Variants in BCAS3 observed in about 807,000 individuals in gnomAD.
BCAS3 encodes BCAS4/BCAS3 fusion.
In BCAS3, 53 loss-of-function variants were observed where a neutral mutation model predicts 116.1. The observed-to-expected ratio is 0.46, with a 90% CI of 0.37 to 0.57. The LOEUF is 0.57. Ranked by LOEUF, BCAS3 falls within the 20% of genes least tolerant of loss-of-function variation. The pLI, the probability that BCAS3 is intolerant of heterozygous loss-of-function variation, is 0.00. For synonymous variants in BCAS3, 391 were observed against 408.2 expected, an observed-to-expected ratio of 0.96 and a Z score of 0.51; for missense variants, 917 against 1,165.4, an observed-to-expected ratio of 0.79 and a Z score of 3.10.
rs1175091418 is a variant in BCAS3, at chr17:61,251,438, C to G, written c.2426-116889C>G. Among the ~76,000 whole-genome samples the G allele has an allele frequency of 1.3e-5, 2 of 152,026 alleles. No homozygotes were observed. Among genetic ancestry groups the G allele is most frequent in the Non-Finnish European group, 2.9e-5 (2 of 68,000 alleles). ...ACAAAAAATTAGCCGGGCCTGGTGG[C>G]GGGCGCCTATAATCCCAACTACTAG... is the stretch of plus-strand genomic sequence containing the variant. On this transcript the variant is annotated intron_variant, in intron 22 of 23. Transcript: ENST00000407086. The surrounding 1 kb of genome is among the most constrained non-coding windows in gnomAD (Gnocchi z 4.7).
At chr17:61,129,240 T>C (rs965218360) in intron 22 of BCAS3, among the ~76,000 whole-genome samples, 1 of 152,258 alleles carries the variant, frequency 6.6e-6, no homozygotes, top group Non-Finnish European at 1.5e-5. Context: ...CTAAAAATTA[T>C]GAATTTCTTT....
At chr17:60,807,482 A>T (rs1235472300) in intron 6 of BCAS3, among the ~76,000 whole-genome samples, 1 of 151,986 alleles carries the variant, frequency 6.6e-6, no homozygotes, top group Non-Finnish European at 1.5e-5. Context: ...ATTGAAACTT[A>T]AAAAAAATGC....
chr17:61,132,471 C>A lies in BCAS3; in HGVS notation c.2425+47907C>A, dbSNP rs558780185. Among the ~76,000 whole-genome samples, 7 of 152,298 alleles carry A rather than the reference C, an allele frequency of 4.6e-5. No homozygotes were observed. The South Asian group carries it at 1.4e-3, about 32-fold the overall frequency. ...GCTATAATCTACTGCCCTGGTCAAA[C>A]TTAACCAAAATTCTGTTTTCTTTCA... On this transcript the variant is annotated intron_variant, in intron 22 of 23. Coordinates refer to ENST00000407086, the MANE Select transcript of BCAS3 (RefSeq NM_017679.5). The surrounding 1 kb of genome is among the most constrained non-coding windows in gnomAD (Gnocchi z 5.1).
chr17:61,172,740 C>T (rs1156508354), intron 22 of BCAS3, among the ~76,000 whole-genome samples: 2 of 151,734 alleles, frequency 1.3e-5, no homozygotes, highest in African/African-American at 2.4e-5. Context: ...AATCCCAGCA[C>T]TTTGGGAGGC....
At chr17:61,182,470 C>T (rs908752060) in intron 22 of BCAS3, among the ~76,000 whole-genome samples, 1 of 152,154 alleles carries the variant, frequency 6.6e-6, no homozygotes, top group Non-Finnish European at 1.5e-5. Flanking sequence ...CCTTATCTCC[C>T]TAATCCTACT....
At chr17:61,210,650 A>C (rs1364054944) in intron 22 of BCAS3, among the ~76,000 whole-genome samples, 1 of 152,208 alleles carries the variant, frequency 6.6e-6, no homozygotes, top group Non-Finnish European at 1.5e-5. Context: ...TGTTGTCAGT[A>C]ATAGTGAACT....
At chr17:61,129,963 A>G (rs2076243761) in intron 22 of BCAS3, among the ~76,000 whole-genome samples, 1 of 152,224 alleles carries the variant, frequency 6.6e-6, no homozygotes, top group Non-Finnish European at 1.5e-5. Context: ...GACTGCCAAC[A>G]CTTTTCCATA....
At chr17:60,837,937 C>T (rs906700379) in intron 7 of BCAS3, among the ~76,000 whole-genome samples, 2 of 152,094 alleles carry the variant, frequency 1.3e-5, no homozygotes, top group African/African-American at 2.4e-5. Context: ...AGGTGTGAGC[C>T]ACCGTGCCTG....
chr17:61,048,654 A>G (rs1357754033), intron 19 of BCAS3, among the ~76,000 whole-genome samples: 1 of 152,026 alleles, frequency 6.6e-6, no homozygotes, highest in East Asian at 1.9e-4. Context: ...CTGAGACCAT[A>G]TGACCCACAA....
At chr17:61,232,865 T>A (rs2082772771) in intron 22 of BCAS3, among the ~76,000 whole-genome samples, 1 of 152,238 alleles carries the variant, frequency 6.6e-6, no homozygotes, top group Non-Finnish European at 1.5e-5. Context: ...TAGAGTTGCT[T>A]ATCTATTTAG....
In BCAS3 at chr17:61,195,370, T is replaced by C. The variant is rs546143936; in HGVS notation, c.2425+110806T>C. On this transcript the variant is annotated intron_variant, in intron 22 of 23. Transcript: ENST00000407086. Reference sequence around the variant, plus strand: ...CAGCCGTACTCTCCCTATTTCCTTTTATTTTCCCAGACAAGGTCTCATTCT... The same window carrying C: ...CAGCCGTACTCTCCCTATTTCCTTTCATTTTCCCAGACAAGGTCTCATTCT... 2.6e-5 allele frequency among the ~76,000 whole-genome samples: 4 copies of C among 152,264 alleles called. No individual in the cohort carries two copies. In the East Asian group the frequency reaches 7.7e-4, roughly 29 times the overall value.
intron 6 of BCAS3, among the ~76,000 whole-genome samples, chr17:60,762,161 C>G (rs932498909): frequency 6.6e-6 from 1 of 152,168 alleles, no homozygotes; most frequent in Admixed American, 6.5e-5. Context: ...CCTGTTCACT[C>G]TGATGGTAGT....
intron 18 of BCAS3, among the ~76,000 whole-genome samples, chr17:61,040,171 A>C (rs2067391255): frequency 6.6e-6 from 1 of 152,246 alleles, no homozygotes; most frequent in African/African-American, 2.4e-5. Context: ...TTGACATTTT[A>C]AAATATTCTT....
rs1369868579 is a variant in BCAS3 at position 61,279,405 on chromosome 17, A to G, written c.2426-88922A>G. On this transcript the variant is annotated intron_variant, in intron 22 of 23. Transcript: ENST00000407086. The surrounding 1 kb of genome is among the most constrained non-coding windows in gnomAD (Gnocchi z 4.4). ...TCAGTCAGTGATGCCCTTTGTGGGC[A>G]GGTTTGTGCACAGATCAGGGGTTCC... Among the ~76,000 whole-genome samples the G allele has an allele frequency of 6.6e-6, 1 of 152,016 alleles. No homozygotes were observed. The highest frequency in any genetic ancestry group is 2.4e-5 in the African/African-American group (1 of 41,388).
chr17:61,005,207 T>G (rs2064578053), intron 15 of BCAS3, among the ~76,000 whole-genome samples: 1 of 152,154 alleles, frequency 6.6e-6, no homozygotes, highest in Non-Finnish European at 1.5e-5. Flanking sequence ...GTCATAGGCA[T>G]ACTTTTGGAA....
chr17:61,038,276 ATTTTT>A (rs1157013916), intron 18 of BCAS3, among the ~76,000 whole-genome samples: 6 of 136,720 alleles, frequency 4.4e-5, no homozygotes, highest in Admixed American at 2.9e-4. Context: ...AGTTTCTAGA[ATTTTT>A]TTTTTTTTTT....
intron 5 of BCAS3, among the ~76,000 whole-genome samples, chr17:60,723,626 T>C (rs1021025808): frequency 6.6e-6 from 1 of 152,094 alleles, no homozygotes; most frequent in Non-Finnish European, 1.5e-5. Flanking sequence ...TGCAGTAGTA[T>C]TGTGGAAACT....
chr17:60,802,550 A>AC (rs2047908299), intron 6 of BCAS3, among the ~76,000 whole-genome samples: 2 of 152,052 alleles, frequency 1.3e-5, no homozygotes, highest in Non-Finnish European at 2.9e-5. Flanking sequence ...GTAGTATTAG[A>AC]TACTTTCCAG....
intron 14 of BCAS3, among the ~76,000 whole-genome samples, chr17:60,958,991 C>T (rs897230859): frequency 1.3e-5 from 2 of 152,254 alleles, no homozygotes; most frequent in Non-Finnish European, 2.9e-5. Flanking sequence ...AAGAAACCTT[C>T]GTGACTTGGG....
Sources: allele counts gnomAD v4.1 joint callset (sites outside exome capture counted in the v4.1 genomes callset), GRCh38; gene constraint gnomAD v4.1.1; non-coding constraint Gnocchi (gnomAD v3.1); transcripts MANE v1.5; gene names NCBI Gene and HGNC (gene_info 2026-07-23, HGNC 2026-07-21).